KDM7A: variants seen among roughly 807,000 people sequenced by gnomAD.
KDM7A encodes the protein lysine demethylase 7A, also known as lysine-specific demethylase 7A.
In KDM7A, 28 loss-of-function variants were observed where a neutral mutation model predicts 114.8. The ratio of observed to expected loss-of-function variants is 0.24; its 90% confidence interval spans 0.18 to 0.33. The LOEUF (loss-of-function observed/expected upper bound fraction) is 0.33. KDM7A is among the 10% of genes least tolerant of loss of function. KDM7A has a pLI of 1.00. For missense variants in KDM7A, 942 were observed against 1,142.5 expected, an observed-to-expected ratio of 0.82 and a Z score of 2.53; for synonymous variants, 423 against 397.8, an observed-to-expected ratio of 1.06 and a Z score of -0.75.
intron 3 of KDM7A, 69 bp downstream of exon 3, chr7:140,133,470 A>G: frequency 2.3e-6 from 2 of 885,098 alleles, no homozygotes; most frequent in Non-Finnish European, 3.7e-6. Flanking sequence ...TTGCCTTTAT[A>G]TAATGTCACT....
At chr7:140,111,945 A>C (rs1362843532) in intron 10 of KDM7A, among the ~76,000 whole-genome samples, 1 of 137,770 alleles carries the variant, frequency 7.3e-6, no homozygotes, top group Non-Finnish European at 1.5e-5. Flanking sequence ...ACTCTGTCTC[A>C]AAAAAAAAAA....
At chr7:140,136,268 GTACT>G (rs932154996) in intron 2 of KDM7A, among the ~76,000 whole-genome samples, 1 of 152,188 alleles carries the variant, frequency 6.6e-6, no homozygotes, top group Non-Finnish European at 1.5e-5. Flanking sequence ...CATAGGTTAA[GTACT>G]TACTTACCTA....
chr7:140,093,370 C>A (rs1426935821), intron 18 of KDM7A, among the ~76,000 whole-genome samples: 1 of 152,204 alleles, frequency 6.6e-6, no homozygotes, highest in Non-Finnish European at 1.5e-5. Flanking sequence ...CCTTCTCCCC[C>A]ACAAATGTTT....
intron 17 of KDM7A, among the ~76,000 whole-genome samples, chr7:140,094,528 A>C (rs1033608745): frequency 3.3e-5 from 5 of 152,010 alleles, no homozygotes; most frequent in South Asian, 2.1e-4. Flanking sequence ...AAAAGCAAGC[A>C]AATTTATGTT....
At chr7:140,116,300 A>ATACTC (rs1416868514) in intron 9 of KDM7A, among the ~76,000 whole-genome samples, 1 of 152,036 alleles carries the variant, frequency 6.6e-6, no homozygotes, top group African/African-American at 2.4e-5. Flanking sequence ...ATACAACAGA[A>ATACTC]TACTCTAGCA....
intron 1 of KDM7A, among the ~76,000 whole-genome samples, chr7:140,175,271 AAAG>A (rs1193327064): frequency 5.3e-5 from 8 of 152,248 alleles, no homozygotes; most frequent in Admixed American, 6.5e-5. Context: ...TAAACACTGC[AAAG>A]AACATTGTGA....
chr7:140,097,700 G>GT, intron 14 of KDM7A, 58 bp from the exon 15 acceptor site: 2 of 967,234 alleles, frequency 2.1e-6, no homozygotes, highest in Non-Finnish European at 3.3e-6. Flanking sequence ...GATGAACAAG[G>GT]TGACAAGATG....
intron 5 of KDM7A, 142 bp downstream of exon 5, chr7:140,127,300 G>T: frequency 1.4e-6 from 1 of 705,156 alleles, no homozygotes; most frequent in Non-Finnish European, 2.4e-6. Context: ...ATCTCTGAGT[G>T]TCCCAATGCA....
chr7:140,149,883 T>C (rs1262860464), intron 1 of KDM7A, among the ~76,000 whole-genome samples: 3 of 152,254 alleles, frequency 2.0e-5, no homozygotes, highest in Admixed American at 2.0e-4. Flanking sequence ...AAGTATGCTA[T>C]CTGTAATATA....
At chr7:140,122,372 G>A (rs1217631307) in intron 7 of KDM7A, among the ~76,000 whole-genome samples, 1 of 152,012 alleles carries the variant, frequency 6.6e-6, no homozygotes, top group Admixed American at 6.6e-5. Flanking sequence ...AATCATAAAT[G>A]TCAATTTATG....
rs77769121 is a variant in KDM7A at position 140,155,679 on chromosome 7, A to G, written c.195-16489T>C. Among the ~76,000 whole-genome samples the G allele has an allele frequency of 2.1e-3, 321 of 152,362 alleles. 2 individuals are homozygous for G. The highest frequency in any genetic ancestry group is 7.3e-3 in the African/African-American group (304 of 41,590). ...GCAACAGGAAAAAAGAATCGCAAGG[A>G]AGGAGATAAAACACCATCGATAAAT... is the stretch of plus-strand genomic sequence containing the variant. On this transcript the variant is annotated intron_variant, in intron 1 of 19. Coordinates refer to ENST00000397560, the MANE Select transcript of KDM7A (RefSeq NM_030647.2).
chr7:140,096,093 CT>C (rs1203129766), intron 17 of KDM7A, among the ~76,000 whole-genome samples: 1 of 152,088 alleles, frequency 6.6e-6, no homozygotes, highest in African/African-American at 2.4e-5. Context: ...TGTGGCATGC[CT>C]AACACTGCCA....
At position 140,129,563 on chromosome 7, in the gene KDM7A, T is replaced by C. The variant is rs1406378932; in HGVS notation, c.489A>G (p.Pro163=). The change falls in exon 4 of 20, where the codon CCA becomes CCG. Residue 163 remains proline (P), a synonymous_variant. Coordinates refer to ENST00000397560, the MANE Select transcript of KDM7A (RefSeq NM_030647.2). ...KHGFDVPIMV[P]KLDDLGLRLP... The stretch of plus-strand genomic sequence containing the variant: ...GCCTGAGTCCTAGATCATCTAATTT[T>C]GGGACCATAATAGGGACATCAAATC... 6.2e-7 allele frequency: 1 copy of C among 1,612,930 alleles called. No individual in the cohort carries two copies. Among genetic ancestry groups the C allele is most frequent in the Non-Finnish European group, 8.5e-7 (1 of 1,179,046 alleles).
At chr7:140,175,428 A>G (rs1388513288) in intron 1 of KDM7A, among the ~76,000 whole-genome samples, 2 of 152,100 alleles carry the variant, frequency 1.3e-5, no homozygotes, top group Admixed American at 6.6e-5. Flanking sequence ...ACTTCCTACA[A>G]TCACAGTCAC....
At chr7:140,166,335 CT>C (rs746518929) in intron 1 of KDM7A, among the ~76,000 whole-genome samples, 2,572 of 128,624 alleles carry the variant, frequency 0.02, 31 homozygotes, top group African/African-American at 0.058. Context: ...CTTTTTTTTC[CT>C]TTTTTTTTTT....
intron 18 of KDM7A, chr7:140,092,278 CG>C (rs775692159): frequency 6.9e-6 from 4 of 580,204 alleles, no homozygotes; most frequent in African/African-American, 4.2e-5. Flanking sequence ...TAAGTTGCAT[CG>C]TTAAGTTAAG....
intron 2 of KDM7A, among the ~76,000 whole-genome samples, chr7:140,134,388 T>C (rs992695496): frequency 6.6e-6 from 1 of 152,232 alleles, no homozygotes; most frequent in East Asian, 1.9e-4. Flanking sequence ...AATGTAGGAA[T>C]GAAGGGGTGG....
intron 1 of KDM7A, among the ~76,000 whole-genome samples, chr7:140,172,826 G>A (rs575872965): frequency 1.3e-5 from 2 of 152,002 alleles, no homozygotes; most frequent in Admixed American, 6.6e-5. Context: ...TGCATAGAAA[G>A]AATTCCAATT....
intron 1 of KDM7A, among the ~76,000 whole-genome samples, chr7:140,168,984 G>A (rs1794608678): frequency 6.6e-6 from 1 of 152,126 alleles, no homozygotes; most frequent in South Asian, 2.1e-4. Flanking sequence ...TATACAGACA[G>A]AAACAAAGAC....
Sources: allele counts gnomAD v4.1 joint callset (sites outside exome capture counted in the v4.1 genomes callset), GRCh38; gene constraint gnomAD v4.1.1; transcripts MANE v1.5; gene names NCBI Gene and HGNC (gene_info 2026-07-23, HGNC 2026-07-21).